Variants in DLGAP2 observed in about 807,000 individuals in gnomAD.
DLGAP2 encodes the protein DLG associated protein 2, also known as disks large-associated protein 2.
Under a neutral mutation model 100.3 loss-of-function variants are expected in DLGAP2, and 26 were observed. The observed-to-expected ratio is 0.26, with a 90% CI of 0.19 to 0.36. The LOEUF (loss-of-function observed/expected upper bound fraction) is 0.36, where lower values mean the gene tolerates loss of function less well. Among genes scored for constraint, DLGAP2 ranks in the 10% least tolerant of loss-of-function variants. The probability of loss-of-function intolerance (pLI) is 1.00; values close to 1 mark genes in which losing one functional copy is unlikely to be tolerated. For missense variants in DLGAP2, 1,858 were observed against 1,453.2 expected, an observed-to-expected ratio of 1.28 and a Z score of -4.53; for synonymous variants, 886 against 630.1, an observed-to-expected ratio of 1.41 and a Z score of -6.08.
At chr8:1,173,108 C>T (rs369137428) in intron 2 of DLGAP2, among the ~76,000 whole-genome samples, 7 of 152,162 alleles carry the variant, frequency 4.6e-5, no homozygotes, top group Admixed American at 6.5e-5. Context: ...GAGACAGGAC[C>T]CTCAGCTGCA....
At chr8:1,655,478 A>G (rs187403274) in intron 8 of DLGAP2, among the ~76,000 whole-genome samples, 76 of 152,332 alleles carry the variant, frequency 5.0e-4, no homozygotes, top group Non-Finnish European at 9.4e-4. Flanking sequence ...TTTTATCTTG[A>G]TTACGTATTT....
intron 3 of DLGAP2, among the ~76,000 whole-genome samples, chr8:1,267,637 G>GAAATAAAATAAAATAAAATCAAA (rs1382093781): frequency 0.028 from 2,545 of 91,670 alleles, 159 homozygotes; most frequent in Middle Eastern, 0.068. Flanking sequence ...TATTAAATAG[G>GAAATAAAATAAAATAAAATCAAA]TCTACAAAAA....
intron 3 of DLGAP2, among the ~76,000 whole-genome samples, chr8:1,383,042 C>T (rs1048162260): frequency 2.0e-5 from 3 of 152,136 alleles, no homozygotes; most frequent in Non-Finnish European, 2.9e-5. Flanking sequence ...GAACGCAAAT[C>T]GAAGGATCTT....
At chr8:1,027,717 G>A (rs1215210126) in intron 2 of DLGAP2, among the ~76,000 whole-genome samples, 6 of 141,060 alleles carry the variant, frequency 4.3e-5, no homozygotes, top group Non-Finnish European at 6.1e-5. Flanking sequence ...GGTGTCAGGC[G>A]CCCGTTATTC....
chr8:1,490,219 A>G (rs778559726), intron 3 of DLGAP2, among the ~76,000 whole-genome samples: 1 of 152,198 alleles, frequency 6.6e-6, no homozygotes, highest in Non-Finnish European at 1.5e-5. Flanking sequence ...ATAAATGGGC[A>G]TCACAACTTA....
chr8:936,668 C>T (rs1799079644), intron 2 of DLGAP2, among the ~76,000 whole-genome samples: 1 of 152,150 alleles, frequency 6.6e-6, no homozygotes, highest in East Asian at 1.9e-4. Context: ...AGCCTGGTTG[C>T]AAGCTGAGTG....
At chr8:1,319,893 G>A (rs1368137660) in intron 3 of DLGAP2, among the ~76,000 whole-genome samples, 1 of 152,212 alleles carries the variant, frequency 6.6e-6, no homozygotes, top group East Asian at 1.9e-4. Flanking sequence ...AAGGCAGAGG[G>A]AAGAGACGGG....
chr8:1,162,567 A>G (rs1796912783), intron 2 of DLGAP2, among the ~76,000 whole-genome samples: 1 of 152,252 alleles, frequency 6.6e-6, no homozygotes, highest in South Asian at 2.1e-4. Context: ...GTCTGGTAAT[A>G]GTCAATGACA....
At chr8:1,458,519 T>C (rs567955540) in intron 3 of DLGAP2, among the ~76,000 whole-genome samples, 26 of 152,358 alleles carry the variant, frequency 1.7e-4, no homozygotes, top group African/African-American at 5.0e-4. Flanking sequence ...CAGGCATTGT[T>C]ACCTGGCATC....
At chr8:1,482,471 A>G (rs1339842463) in intron 3 of DLGAP2, among the ~76,000 whole-genome samples, 1 of 152,274 alleles carries the variant, frequency 6.6e-6, no homozygotes, top group Non-Finnish European at 1.5e-5. Context: ...CACAGAATGT[A>G]TGGAACGTCT....
intron 1 of DLGAP2, among the ~76,000 whole-genome samples, chr8:862,791 G>T (rs182246325): frequency 3.6e-3 from 543 of 152,276 alleles, no homozygotes; most frequent in Non-Finnish European, 5.8e-3. Flanking sequence ...CTTCCCCAGG[G>T]CCCCAAAGTC....
chr8:1,579,162 C>G (rs1803120249), intron 6 of DLGAP2, among the ~76,000 whole-genome samples: 1 of 151,724 alleles, frequency 6.6e-6, no homozygotes, highest in African/African-American at 2.4e-5. Context: ...AGTCAAAGCT[C>G]TAATAATTTT....
chr8:1,101,606 G>C (rs1242538040), intron 2 of DLGAP2, among the ~76,000 whole-genome samples: 3 of 152,122 alleles, frequency 2.0e-5, no homozygotes, highest in African/African-American at 4.8e-5. Flanking sequence ...ACACGACAAT[G>C]GGAAGGTCCT....
At chr8:1,284,075 T>C (rs1205504314) in intron 3 of DLGAP2, among the ~76,000 whole-genome samples, 9 of 152,208 alleles carry the variant, frequency 5.9e-5, no homozygotes. Flanking sequence ...GAAAAGTTCT[T>C]TCAAAATTAC....
chr8:1,050,849 A>G (rs944486843), intron 2 of DLGAP2, among the ~76,000 whole-genome samples: 7 of 151,932 alleles, frequency 4.6e-5, no homozygotes, highest in Non-Finnish European at 8.8e-5. Context: ...GTGCTTCCCC[A>G]TAGATTTCCA....
At chr8:1,490,433 TA>T (rs1371729708) in intron 3 of DLGAP2, among the ~76,000 whole-genome samples, 2 of 152,200 alleles carry the variant, frequency 1.3e-5, no homozygotes, top group Non-Finnish European at 2.9e-5. Flanking sequence ...TCAAAGTGAA[TA>T]TTTTTTTATG....
intron 2 of DLGAP2, among the ~76,000 whole-genome samples, chr8:1,013,007 A>T (rs1426303464): frequency 6.6e-6 from 1 of 152,146 alleles, no homozygotes; most frequent in Admixed American, 6.5e-5. Flanking sequence ...GAGACTGTGG[A>T]CTAGGAAGGT....
chr8:1,431,994 G>A (rs1797463438), intron 3 of DLGAP2, among the ~76,000 whole-genome samples: 1 of 150,662 alleles, frequency 6.6e-6, no homozygotes, highest in Non-Finnish European at 1.5e-5. Context: ...AATCCTGCCG[G>A]CACCCAGCAC....
At chr8:1,441,663 G>T (rs1293996485) in intron 3 of DLGAP2, among the ~76,000 whole-genome samples, 1 of 148,116 alleles carries the variant, frequency 6.8e-6, no homozygotes, top group African/African-American at 2.5e-5. Context: ...ACTCCAGCCT[G>T]GGCAACATAG....
Sources: allele counts gnomAD v4.1 joint callset (sites outside exome capture counted in the v4.1 genomes callset), GRCh38; gene constraint gnomAD v4.1.1; transcripts MANE v1.5; gene names NCBI Gene and HGNC (gene_info 2026-07-23, HGNC 2026-07-21).